The following EHBP1 variants were observed in gnomAD, a reference collection of about 807,000 sequenced individuals.
EHBP1 encodes the protein EH domain-binding protein 1.
A neutral mutation model predicts 144.0 loss-of-function variants in EHBP1; 55 were observed. That is an observed-to-expected ratio of 0.38 (90% CI 0.31 to 0.48). The LOEUF (loss-of-function observed/expected upper bound fraction) is 0.48. Among genes scored for constraint, EHBP1 ranks in the 20% least tolerant of loss-of-function variants. EHBP1 has a pLI of 0.98. For synonymous variants in EHBP1, 469 were observed against 472.7 expected, an observed-to-expected ratio of 0.99 and a Z score of 0.10; for missense variants, 1,200 against 1,364.2, an observed-to-expected ratio of 0.88 and a Z score of 1.90.
chr2:62,974,969 G>A (rs1038157590), intron 14 of EHBP1, among the ~76,000 whole-genome samples: 1 of 152,160 alleles, frequency 6.6e-6, no homozygotes, highest in African/African-American at 2.4e-5. Flanking sequence ...CTGTAGGTCA[G>A]GAGTTCAGAC....
intron 5 of EHBP1, among the ~76,000 whole-genome samples, chr2:62,824,611 G>C (rs2046216055): frequency 6.6e-6 from 1 of 151,952 alleles, no homozygotes; most frequent in Non-Finnish European, 1.5e-5. Context: ...TCTTCTGAGA[G>C]GGCTTAAATC....
intron 1 of EHBP1, among the ~76,000 whole-genome samples, chr2:62,679,767 C>A (rs1558504154): frequency 6.6e-6 from 1 of 152,182 alleles, no homozygotes; most frequent in Non-Finnish European, 1.5e-5. Flanking sequence ...AGATTTGGAT[C>A]ATTTAATTAA....
intron 5 of EHBP1, among the ~76,000 whole-genome samples, chr2:62,817,966 G>A (rs1207520350): frequency 6.6e-6 from 1 of 151,650 alleles, no homozygotes; most frequent in Non-Finnish European, 1.5e-5. Flanking sequence ...ATAATAATTC[G>A]GTGATACAAG....
rs528719246 is a variant in EHBP1 at position 62,680,456 on chromosome 2, C to T, written c.-296+6373C>T. Among the ~76,000 whole-genome samples the T allele has an allele frequency of 1.1e-4, 16 of 152,238 alleles. 1 individual carries two copies. In the South Asian group the frequency reaches 3.3e-3, roughly 32 times the overall value. On this transcript the variant is annotated intron_variant, in intron 1 of 22. Coordinates refer to the EHBP1 transcript ENST00000405015. ...TGACTTAAAACTTATCTTGCCCTTT[C>T]TTGCAATGTTTGATAAATTGAACTT...
chr2:62,712,182 G>A lies in EHBP1; in HGVS notation c.104+4887G>A, dbSNP rs551602421. On this transcript the variant is annotated intron_variant, in intron 2 of 22. Transcript: ENST00000431489. The stretch of plus-strand genomic sequence containing the variant: ...AAGGATCCAGAACACAAGTGGAAAC[G>A]TTGAACTTAGGTAGAAGCAGGGACC... Among the ~76,000 whole-genome samples the A allele has an allele frequency of 1.2e-4, 18 of 152,312 alleles. No homozygotes were observed. In the South Asian group the frequency reaches 3.3e-3, roughly 28 times the overall value.
At chr2:62,928,332 C>T (rs2055698093) in intron 10 of EHBP1, among the ~76,000 whole-genome samples, 1 of 152,056 alleles carries the variant, frequency 6.6e-6, no homozygotes, top group Non-Finnish European at 1.5e-5. Flanking sequence ...CTAAGGTGAC[C>T]AAAAACTTTA....
At chr2:62,682,706 T>A (rs1313362345) in intron 1 of EHBP1, among the ~76,000 whole-genome samples, 1 of 152,154 alleles carries the variant, frequency 6.6e-6, no homozygotes, top group African/African-American at 2.4e-5. Context: ...CTATAACAAG[T>A]TCTGATGATT....
At position 62,996,734 on chromosome 2, in the gene EHBP1, T is replaced by C. The variant is rs775012555; in HGVS notation, c.3071T>C (p.Val1024Ala). 1.9e-6 allele frequency: 3 copies of C among 1,612,860 alleles called. No individual in the cohort carries two copies. Among genetic ancestry groups the C allele is most frequent in the Non-Finnish European group, 2.5e-6 (3 of 1,179,502 alleles). Residue 1024 changes from valine (V) to alanine (A), a missense_variant, in exon 19 of 23, where the codon GTG (valine) becomes GCG (alanine). By Grantham distance (64) the Val-to-Ala change is moderately conservative. Coordinates refer to ENST00000431489, the MANE Select transcript of EHBP1 (RefSeq NM_001142616.3). ...QKQIDTRAAL[V>A]EKRLRYLMDT... is the part of the protein sequence containing the mutation. ...CAAATTGACACCCGTGCCGCGCTGG[T>C]GGAGAAGCGCCTTCGCTATCTCATG...
intron 2 of EHBP1, among the ~76,000 whole-genome samples, chr2:62,735,901 T>G (rs1428928090): frequency 6.6e-6 from 1 of 152,140 alleles, no homozygotes; most frequent in Non-Finnish European, 1.5e-5. Flanking sequence ...TGTTTCTCTA[T>G]AGGTAAGGTA....
chr2:62,921,891 A>G (rs1416496440), intron 10 of EHBP1, among the ~76,000 whole-genome samples: 2 of 152,154 alleles, frequency 1.3e-5, no homozygotes, highest in African/African-American at 4.8e-5. Context: ...ATGGTAAGAA[A>G]ATCTGCCAGG....
chr2:62,677,955 T>C (rs2033365855), intron 1 of EHBP1, among the ~76,000 whole-genome samples: 1 of 152,258 alleles, frequency 6.6e-6, no homozygotes, highest in South Asian at 2.1e-4. Context: ...GGAGTACAGA[T>C]AACTCTTTGA....
At chr2:62,687,254 A>G (rs563592508) in intron 1 of EHBP1, among the ~76,000 whole-genome samples, 1 of 152,180 alleles carries the variant, frequency 6.6e-6, no homozygotes, top group African/African-American at 2.4e-5. Flanking sequence ...TAAACTTTTT[A>G]TTTAAATACT....
chr2:63,003,034 G>T (rs1482611923), intron 19 of EHBP1, among the ~76,000 whole-genome samples: 1 of 151,692 alleles, frequency 6.6e-6, no homozygotes, highest in African/African-American at 2.4e-5. Flanking sequence ...TTATAATTAC[G>T]AATTTGGTCC....
At chr2:62,820,504 C>T (rs1457367112) in intron 5 of EHBP1, among the ~76,000 whole-genome samples, 1 of 151,162 alleles carries the variant, frequency 6.6e-6, no homozygotes, top group African/African-American at 2.4e-5. Flanking sequence ...TATCTGTACC[C>T]ATTAAAAACT....
chr2:62,870,343 G>A (rs577382987), intron 9 of EHBP1, among the ~76,000 whole-genome samples: 178 of 152,236 alleles, frequency 1.2e-3, no homozygotes, highest in Middle Eastern at 0.01. Context: ...CACATCAAAT[G>A]AACAATAATT....
intron 2 of EHBP1, among the ~76,000 whole-genome samples, chr2:62,721,507 G>C (rs888511987): frequency 6.6e-6 from 1 of 152,200 alleles, no homozygotes; most frequent in Middle Eastern, 3.2e-3. Context: ...GGAAGGAGAA[G>C]TATCAAAGAA....
intron 7 of EHBP1, among the ~76,000 whole-genome samples, chr2:62,840,642 A>G (rs1479029092): frequency 1.3e-5 from 2 of 151,930 alleles, no homozygotes; most frequent in Non-Finnish European, 2.9e-5. Flanking sequence ...CAAATTTACA[A>G]GAAAAAAACA....
chr2:63,012,639 C>T (rs887196232), intron 19 of EHBP1, among the ~76,000 whole-genome samples: 1 of 152,088 alleles, frequency 6.6e-6, no homozygotes, highest in South Asian at 2.1e-4. Flanking sequence ...GCCCTCATTT[C>T]AGAGGCACTA....
At chr2:62,840,073 A>G (rs1398586053) in intron 7 of EHBP1, among the ~76,000 whole-genome samples, 5 of 151,914 alleles carry the variant, frequency 3.3e-5, no homozygotes, top group Non-Finnish European at 2.9e-5. Context: ...GCATCACACT[A>G]CCTGACTTCA....
Sources: gnomAD v4.1 joint callset for allele counts (sites outside exome capture counted in the v4.1 genomes callset) on GRCh38, gnomAD v4.1.1 for gene constraint, MANE v1.5 for transcripts, NCBI Gene and HGNC (gene_info 2026-07-23, HGNC 2026-07-21) for gene names.